The following ABCC1 variants were observed in gnomAD, a reference collection of about 807,000 sequenced individuals.
The protein encoded by ABCC1 is ATP binding cassette subfamily C member 1 (ABCC1 blood group), also known as multidrug resistance-associated protein 1.
Under a neutral mutation model 172.9 loss-of-function variants are expected in ABCC1, and 83 were observed. That is an observed-to-expected ratio of 0.48 (90% CI 0.40 to 0.58). The LOEUF is 0.58. Among genes scored for constraint, ABCC1 ranks in the 20% least tolerant of loss-of-function variants. The pLI, the probability that ABCC1 is intolerant of heterozygous loss-of-function variation, is 0.00. For synonymous variants in ABCC1, 937 were observed against 825.2 expected (o/e 1.14, Z -2.32); for missense variants, 1,817 against 2,002.7 (o/e 0.91, Z 1.77).
intron 1 of ABCC1, among the ~76,000 whole-genome samples, chr16:15,965,989 A>T (rs1456812441): frequency 6.6e-6 from 1 of 152,156 alleles, no homozygotes; most frequent in Non-Finnish European, 1.5e-5. Flanking sequence ...TGGAATGAAT[A>T]ACATCTGAAA....
At chr16:15,981,563 T>C (rs1482998384) in intron 1 of ABCC1, among the ~76,000 whole-genome samples, 3 of 152,162 alleles carry the variant, frequency 2.0e-5, no homozygotes, top group Non-Finnish European at 4.4e-5. Flanking sequence ...TTAGCCACAG[T>C]TGAAGCAACT....
chr16:16,081,194 G>C (rs995556217), intron 16 of ABCC1, among the ~76,000 whole-genome samples: 2 of 152,266 alleles, frequency 1.3e-5, no homozygotes, highest in East Asian at 3.9e-4. Flanking sequence ...TTTTATTTCA[G>C]AGCAAAACCC....
At chr16:16,034,562 G>A (rs2048678580) in intron 6 of ABCC1, among the ~76,000 whole-genome samples, 2 of 144,456 alleles carry the variant, frequency 1.4e-5, no homozygotes, top group African/African-American at 5.1e-5. Context: ...GTAAAGGCAT[G>A]TAGAGGCTGT....
Position 16,114,862 on chromosome 16 carries a change from C to T in ABCC1, c.3176C>T (p.Ser1059Leu), listed in dbSNP as rs1352504867. The T allele has an allele frequency of 6.2e-7, 1 of 1,613,996 alleles. No homozygotes were observed. Among genetic ancestry groups the T allele is most frequent in the East Asian group, 2.2e-5 (1 of 44,888 alleles). ...GACCTGCTGCACAGCATCCTGCGGT[C>T]ACCCATGAGCTTCTTTGAGCGGACC... is the stretch of plus-strand genomic sequence containing the variant. ...HVDLLHSILRSPMSFFERTPS... is the reference protein window; with the variant it reads ...HVDLLHSILRLPMSFFERTPS... The change falls in exon 23 of 31, where the codon TCA becomes TTA. Residue 1059 changes from serine to leucine, a missense_variant. Coordinates refer to ENST00000399410, the MANE Select transcript of ABCC1 (RefSeq NM_004996.4).
At chr16:16,122,888 A>G (rs889084483) in intron 24 of ABCC1, among the ~76,000 whole-genome samples, 4 of 152,098 alleles carry the variant, frequency 2.6e-5, no homozygotes, top group African/African-American at 9.7e-5. Flanking sequence ...TGTCTCTGGA[A>G]AAACAAAAAA....
intron 11 of ABCC1, 37 bp from the exon 12 acceptor site, chr16:16,056,055 G>T (rs2049638028): frequency 1.3e-6 from 2 of 1,589,888 alleles, no homozygotes; most frequent in Admixed American, 1.7e-5. Flanking sequence ...TGATCCCAGG[G>T]TCGCCCCAGA....
At chr16:16,063,333 C>T (rs983087075) in intron 12 of ABCC1, among the ~76,000 whole-genome samples, 2 of 152,142 alleles carry the variant, frequency 1.3e-5, no homozygotes, top group South Asian at 4.1e-4. Context: ...GTCTCAAACT[C>T]CTGACCTCAA....
At chr16:16,104,029 T>C (rs1400042711) in intron 20 of ABCC1, among the ~76,000 whole-genome samples, 1 of 152,168 alleles carries the variant, frequency 6.6e-6, no homozygotes, top group Non-Finnish European at 1.5e-5. Context: ...GTTACAGCTC[T>C]TAAGGTGGCG....
At chr16:16,128,426 G>C (rs951671238) in intron 26 of ABCC1, among the ~76,000 whole-genome samples, 1 of 152,110 alleles carries the variant, frequency 6.6e-6, no homozygotes, top group Admixed American at 6.5e-5. Context: ...TGGGATCACA[G>C]GTGTGAGCCA....
At chr16:16,020,013 C>A (rs2048140017) in intron 5 of ABCC1, among the ~76,000 whole-genome samples, 1 of 152,158 alleles carries the variant, frequency 6.6e-6, no homozygotes, top group Non-Finnish European at 1.5e-5. Context: ...CCTCTGCCTC[C>A]CAGGTTCAAG....
In ABCC1 at chr16:16,070,883, A is replaced by G. The variant is rs572600952; in HGVS notation, c.1825-759A>G. Among the ~76,000 whole-genome samples the G allele has an allele frequency of 8.7e-4, 132 of 152,282 alleles. 2 individuals are homozygous for G. The South Asian group carries it at 0.026, about 30-fold the overall frequency. On this transcript the variant is annotated intron_variant, in intron 13 of 30. Coordinates refer to ENST00000399410, the MANE Select transcript of ABCC1 (RefSeq NM_004996.4). ...TATTTCAGCATGCATTTCTTCCTAC[A>G]TAATGTAATACCATCATCATGTCTA...
At chr16:16,133,727 T>C (rs938293135) in intron 27 of ABCC1, among the ~76,000 whole-genome samples, 8 of 152,266 alleles carry the variant, frequency 5.3e-5, no homozygotes, top group East Asian at 1.9e-4. Context: ...TTATGGCTTA[T>C]CTCACGTCAT....
chr16:15,960,975 C>T (rs2046114449), intron 1 of ABCC1, among the ~76,000 whole-genome samples: 5 of 142,484 alleles, frequency 3.5e-5, no homozygotes, highest in Admixed American at 1.4e-4. Flanking sequence ...ACCTTCTGAT[C>T]TGTTTATGTT....
intron 22 of ABCC1, 101 bp from the exon 23 acceptor site, chr16:16,114,665 T>C: frequency 9.4e-7 from 1 of 1,061,230 alleles, no homozygotes; most frequent in Non-Finnish European, 1.3e-6. Flanking sequence ...TTATTAGAAG[T>C]TGGGAGTCCA....
At chr16:16,135,640 G>T (rs1426122722) in intron 28 of ABCC1, among the ~76,000 whole-genome samples, 1 of 151,992 alleles carries the variant, frequency 6.6e-6, no homozygotes, top group Non-Finnish European at 1.5e-5. Context: ...ATTTTTAGTA[G>T]AAACGGGGTT....
intron 16 of ABCC1, among the ~76,000 whole-genome samples, chr16:16,080,849 T>C (rs1171882724): frequency 1.3e-5 from 2 of 150,650 alleles, no homozygotes; most frequent in Non-Finnish European, 2.9e-5. Flanking sequence ...TTTGGGAATG[T>C]CAAGTTTATG....
chr16:16,104,940 G>A (rs947236837), intron 20 of ABCC1, among the ~76,000 whole-genome samples: 6 of 152,162 alleles, frequency 3.9e-5, no homozygotes, highest in Non-Finnish European at 1.5e-5. Flanking sequence ...CCACCGAGCC[G>A]ACGCCCACCC....
intron 14 of ABCC1, among the ~76,000 whole-genome samples, chr16:16,074,496 T>G (rs1395793673): frequency 2.6e-5 from 4 of 152,170 alleles, no homozygotes; most frequent in African/African-American, 7.2e-5. Flanking sequence ...CTGAAGTTGT[T>G]CACAGCTCAA....
intron 1 of ABCC1, among the ~76,000 whole-genome samples, chr16:15,988,508 C>A (rs573517363): frequency 6.6e-6 from 1 of 152,238 alleles, no homozygotes; most frequent in South Asian, 2.1e-4. Flanking sequence ...TGGAACATGA[C>A]TAAGGGATTT....
Sources: allele counts gnomAD v4.1 joint callset (sites outside exome capture counted in the v4.1 genomes callset), GRCh38; gene constraint gnomAD v4.1.1; transcripts MANE v1.5; gene names NCBI Gene and HGNC (gene_info 2026-07-23, HGNC 2026-07-21).